LRSAM1: variants seen among roughly 807,000 people sequenced by gnomAD.
LRSAM1 encodes leucine rich repeat and sterile alpha motif containing 1.
LRSAM1 carries 96 observed loss-of-function variants against 118.1 expected under a neutral mutation model. The ratio of observed to expected loss-of-function variants is 0.81; its 90% confidence interval spans 0.69 to 0.96. LRSAM1 has a LOEUF of 0.96. Ranked by LOEUF, LRSAM1 falls within the 40% of genes least tolerant of loss-of-function variation. The pLI, the probability that LRSAM1 is intolerant of heterozygous loss-of-function variation, is 0.00. For synonymous variants in LRSAM1, 322 were observed against 364.2 expected, an observed-to-expected ratio of 0.88 and a Z score of 1.32; for missense variants, 804 against 915.5, an observed-to-expected ratio of 0.88 and a Z score of 1.57.
rs548270854 is a variant in LRSAM1 at position 127,479,448 on chromosome 9, C to G, written c.846C>G (p.Thr282=). ...TGGAACTGGGGCAGCGGGAGCACAC[C>G]CAGCTCCTTCAGCAGAGCAGCAGCC... ...RRLELGQREH[T]QLLQQSSSQK... The change falls in exon 13 of 26, where the codon ACC becomes ACG. Residue 282 remains threonine (T), a synonymous_variant. Transcript: ENST00000300417. 6.1e-5 allele frequency: 99 copies of G among 1,614,034 alleles called. No homozygotes were observed. In the South Asian group the frequency reaches 1.0e-3, roughly 17 times the overall value.
Position 127,457,359 on chromosome 9 carries a change from A to G in LRSAM1, c.218A>G (p.Lys73Arg). Residue 73 changes from lysine (K) to arginine (R), a missense_variant, in exon 6 of 26, where the codon AAA becomes AGA. Physicochemically the swap from Lys to Arg is conservative, Grantham distance 26. Coordinates refer to ENST00000300417, the MANE Select transcript of LRSAM1 (RefSeq NM_001005373.4). Reference protein sequence around the residue: ...HTNHLTSLLPKSCSLLSLATI... With the variant: ...HTNHLTSLLPRSCSLLSLATI... The stretch of plus-strand genomic sequence containing the variant: ...AATCACCTCACTTCCCTGCTTCCCA[A>G]ATCCTGCAGCCTCCTGAGTCTGGCA... The G allele has an allele frequency of 1.9e-6, 3 of 1,614,182 alleles. No homozygotes were observed. Among genetic ancestry groups the G allele is most frequent in the Non-Finnish European group, 1.7e-6 (2 of 1,180,034 alleles).
chr9:127,488,818 T>G (rs1835824901), intron 18 of LRSAM1, among the ~76,000 whole-genome samples: 1 of 151,876 alleles, frequency 6.6e-6, no homozygotes, highest in Admixed American at 6.6e-5. Context: ...CTCAAACTCC[T>G]GGGCTCAAGC....
At chr9:127,486,185 C>T (rs1004806015) in intron 17 of LRSAM1, among the ~76,000 whole-genome samples, 1 of 152,234 alleles carries the variant, frequency 6.6e-6, no homozygotes, top group Admixed American at 6.5e-5. Flanking sequence ...AACTGTATAA[C>T]GCACCCAAGG....
chr9:127,461,358 G>C (rs1437592821), intron 8 of LRSAM1, 101 bp downstream of exon 8: 3 of 1,021,422 alleles, frequency 2.9e-6, no homozygotes, highest in Non-Finnish European at 4.5e-6. Flanking sequence ...TGAGCAGGAG[G>C]GCAGCCAGTC....
chr9:127,497,347 C>G lies in LRSAM1; in HGVS notation c.1912+13C>G, dbSNP rs201671353. 1 of 1,609,506 alleles carries G rather than the reference C, an allele frequency of 6.2e-7. No individual in the cohort carries two copies. Among genetic ancestry groups the G allele is most frequent in the Admixed American group, 1.7e-5 (1 of 60,016 alleles). ...AGGATCCAGCCAGGTACAAGCACAG[C>G]TCCAGCCTCTTCCAGGCAGGGCTCC... is the stretch of plus-strand genomic sequence containing the variant. On this transcript the variant is annotated intron_variant, in intron 24 of 25. Coordinates refer to ENST00000300417, the MANE Select transcript of LRSAM1 (RefSeq NM_001005373.4).
At position 127,454,571 on chromosome 9, in the gene LRSAM1, G is replaced by A. The variant is rs368646898; in HGVS notation, c.44G>A (p.Arg15Gln). Reference protein sequence around the residue: ...FRKRKPSEEARKRLEYQMCLA... With the variant: ...FRKRKPSEEAQKRLEYQMCLA... ...AAGCGGAAACCCAGTGAGGAGGCTC[G>A]GAAACGCCTGGAGTACCAGATGTGT... Residue 15 changes from arginine to glutamine, a missense_variant, in exon 3 of 26, where the codon CGG becomes CAG. By Grantham distance (43) the Arg-to-Gln change is conservative. Transcript: ENST00000300417. 2.4e-5 allele frequency: 39 copies of A among 1,613,952 alleles called. No individual in the cohort carries two copies. The highest frequency in any genetic ancestry group is 3.1e-5 in the Non-Finnish European group (36 of 1,180,012).
At chr9:127,464,001 C>A (rs1051942375) in intron 9 of LRSAM1, among the ~76,000 whole-genome samples, 1 of 152,244 alleles carries the variant, frequency 6.6e-6, no homozygotes, top group Non-Finnish European at 1.5e-5. Context: ...CTGAAGCTGA[C>A]GCCTGTGCTC....
chr9:127,457,879 G>GC (rs1051749399), intron 6 of LRSAM1, among the ~76,000 whole-genome samples: 1 of 152,068 alleles, frequency 6.6e-6, no homozygotes, highest in African/African-American at 2.4e-5. Context: ...TGTCAGCCCA[G>GC]CAGCACAGGC....
intron 20 of LRSAM1, among the ~76,000 whole-genome samples, chr9:127,492,050 A>G (rs1442108232): frequency 1.3e-5 from 2 of 152,166 alleles, no homozygotes; most frequent in Non-Finnish European, 2.9e-5. Flanking sequence ...AAGCCATCCC[A>G]TGGACTCCTC....
rs1161885354 is a variant in LRSAM1 at position 127,502,939 on chromosome 9, C to T, written c.*40C>T. The stretch of plus-strand genomic sequence containing the variant: ...CCTGGGCCTGGTCCTAGCCCTGCCT[C>T]GGCCACTGTGAGCCCCGGGCTCCTG... On this transcript the variant is annotated 3_prime_UTR_variant, in exon 26 of 26. Coordinates refer to ENST00000300417, the MANE Select transcript of LRSAM1 (RefSeq NM_001005373.4). The T allele has an allele frequency of 5.1e-6, 8 of 1,563,700 alleles. No individual in the cohort carries two copies. The East Asian group carries it at 7.2e-5, about 14-fold the overall frequency.
intron 17 of LRSAM1, chr9:127,487,370 GTGGC>G (rs888106777): frequency 8.1e-6 from 3 of 370,034 alleles, no homozygotes; most frequent in African/African-American, 6.3e-5. Flanking sequence ...ACCCATGGAG[GTGGC>G]TGGGCAGAGG....
intron 11 of LRSAM1, among the ~76,000 whole-genome samples, chr9:127,475,749 A>T (rs112728877): frequency 3.6e-4 from 55 of 150,882 alleles, no homozygotes; most frequent in East Asian, 5.9e-4. Flanking sequence ...TTATTTTTTT[A>T]TTTTTTTTTG....
chr9:127,476,283 G>T (rs1184359067), intron 11 of LRSAM1, among the ~76,000 whole-genome samples: 2 of 152,204 alleles, frequency 1.3e-5, no homozygotes, highest in East Asian at 3.8e-4. Context: ...GAAAAGGGCA[G>T]ATTGCAGAAC....
At position 127,481,224 on chromosome 9, in the gene LRSAM1, A is replaced by T; in HGVS notation, c.1085A>T (p.Glu362Val). The change falls in exon 15 of 26, where the codon GAA (glutamate) becomes GTA (valine). Residue 362 changes from glutamate (E) to valine (V), a missense_variant. Transcript: ENST00000300417. Reference protein sequence around the residue: ...SSEILKSLENERIRMEQLMSI... With the variant: ...SSEILKSLENVRIRMEQLMSI... ...GAGATTTTGAAATCGCTGGAAAATG[A>T]AAGGTAAGTGTTCTTCCAGGGGAGG... 2.5e-6 allele frequency: 4 copies of T among 1,613,580 alleles called. No individual in the cohort carries two copies. The highest frequency in any genetic ancestry group is 3.4e-6 in the Non-Finnish European group (4 of 1,179,948).
At chr9:127,490,116 C>CT (rs1472293993) in intron 19 of LRSAM1, among the ~76,000 whole-genome samples, 1 of 152,178 alleles carries the variant, frequency 6.6e-6, no homozygotes. Context: ...ACCTACACGG[C>CT]TTGGTGGTCA....
chr9:127,468,431 C>T (rs984694018), intron 10 of LRSAM1, among the ~76,000 whole-genome samples: 5 of 152,066 alleles, frequency 3.3e-5, no homozygotes, highest in African/African-American at 9.7e-5. Context: ...TGGCTGGAGG[C>T]GGGAGGAGAG....
chr9:127,465,581 C>T lies in LRSAM1; in HGVS notation c.529-2159C>T, dbSNP rs1378557965. Among the ~76,000 whole-genome samples, 1 of 152,224 alleles carries T rather than the reference C, an allele frequency of 6.6e-6. No individual in the cohort carries two copies. Among genetic ancestry groups the T allele is most frequent in the East Asian group, 1.9e-4 (1 of 5,198 alleles). On this transcript the variant is annotated intron_variant, in intron 9 of 25. Coordinates refer to ENST00000300417, the MANE Select transcript of LRSAM1 (RefSeq NM_001005373.4). The surrounding 1 kb of genome is among the most constrained non-coding windows in gnomAD (Gnocchi z 4.1). ...CTCAGCATCTGGGCGGTCAGTTCCT[C>T]TTCCCTGGGGCAGTCTCCCACTCCC...
Position 127,479,431 on chromosome 9 carries a change from G to A in LRSAM1, c.829G>A (p.Gly277Arg). ...CGAGTTTGAACGGCGCCTGGAACTG[G>A]GGCAGCGGGAGCACACCCAGCTCCT... is the stretch of plus-strand genomic sequence containing the variant. ...KLEFERRLEL[G>R]QREHTQLLQQ... Residue 277 changes from glycine (G) to arginine (R), a missense_variant, in exon 13 of 26, where the codon GGG (glycine) becomes AGG (arginine). Gly to Arg is a moderately radical substitution (Grantham distance 125). Coordinates refer to ENST00000300417, the MANE Select transcript of LRSAM1 (RefSeq NM_001005373.4). 1.2e-6 allele frequency: 2 copies of A among 1,614,172 alleles called. No homozygotes were observed. The highest frequency in any genetic ancestry group is 2.2e-5 in the South Asian group (2 of 91,074).
chr9:127,479,259 G>A (rs1835443404), intron 12 of LRSAM1, 124 bp from the exon 13 acceptor site: 1 of 1,399,978 alleles, frequency 7.1e-7, no homozygotes, highest in Admixed American at 1.8e-5. Flanking sequence ...GAGGGGAGTG[G>A]GGGTTGCTCA....
Sources: gnomAD v4.1 joint callset for allele counts (sites outside exome capture counted in the v4.1 genomes callset) on GRCh38, gnomAD v4.1.1 for gene constraint, Gnocchi (gnomAD v3.1) non-coding constraint, MANE v1.5 for transcripts, NCBI Gene and HGNC (gene_info 2026-07-23, HGNC 2026-07-21) for gene names.